The following LRP1B variants were observed in gnomAD, a reference collection of about 807,000 sequenced individuals.
LRP1B encodes low-density lipoprotein receptor-related protein 1B.
In LRP1B, 217 loss-of-function variants were observed where a neutral mutation model predicts 556.6. The observed-to-expected ratio is 0.39, with a 90% CI of 0.35 to 0.44. The LOEUF is 0.44. Ranked by LOEUF, LRP1B falls within the 20% of genes least tolerant of loss-of-function variation. The pLI is 1.00. For missense variants in LRP1B, 5,053 were observed against 5,620.8 expected, an observed-to-expected ratio of 0.90 and a Z score of 3.23; for synonymous variants, 2,047 against 1,865.8, an observed-to-expected ratio of 1.10 and a Z score of -2.50.
At chr2:140,913,505 T>C (rs1028982060) in intron 21 of LRP1B, among the ~76,000 whole-genome samples, 1 of 151,962 alleles carries the variant, frequency 6.6e-6, no homozygotes, top group Non-Finnish European at 1.5e-5. Context: ...GCATTTAATA[T>C]AGACAGCTGC....
intron 21 of LRP1B, among the ~76,000 whole-genome samples, chr2:140,922,449 T>C (rs957634594): frequency 2.6e-5 from 4 of 151,850 alleles, no homozygotes; most frequent in Admixed American, 6.6e-5. Flanking sequence ...AAATAAGCAA[T>C]AGTACAGTAA....
At chr2:140,790,826 G>A (rs1348323712) in intron 32 of LRP1B, among the ~76,000 whole-genome samples, 1 of 152,134 alleles carries the variant, frequency 6.6e-6, no homozygotes. Flanking sequence ...ATTGGGCCAA[G>A]GCAATGGCTC....
At chr2:140,975,049 T>A (rs1361969299) in intron 18 of LRP1B, among the ~76,000 whole-genome samples, 1 of 152,058 alleles carries the variant, frequency 6.6e-6, no homozygotes, top group East Asian at 1.9e-4. Context: ...GCTCACAACA[T>A]TTGGGGAAAA....
chr2:141,222,601 C>T (rs956326921), intron 6 of LRP1B, among the ~76,000 whole-genome samples: 1 of 152,104 alleles, frequency 6.6e-6, no homozygotes, highest in Non-Finnish European at 1.5e-5. Context: ...GTCCAATATC[C>T]CCAATGAACA....
At chr2:140,520,085 A>G (rs988468637) in intron 49 of LRP1B, among the ~76,000 whole-genome samples, 1 of 152,162 alleles carries the variant, frequency 6.6e-6, no homozygotes, top group Admixed American at 6.5e-5. Context: ...ATATCATTTG[A>G]CCTAGTGATC....
At chr2:141,804,349 C>T (rs1389663671) in intron 2 of LRP1B, among the ~76,000 whole-genome samples, 1 of 151,968 alleles carries the variant, frequency 6.6e-6, no homozygotes, top group East Asian at 1.9e-4. Flanking sequence ...ACTTCAGTGT[C>T]AATTAATATT....
chr2:140,908,544 C>G (rs1694327696), intron 21 of LRP1B, among the ~76,000 whole-genome samples: 1 of 151,510 alleles, frequency 6.6e-6, no homozygotes, highest in Non-Finnish European at 1.5e-5. Flanking sequence ...AGGTAAATGC[C>G]TCATTTTAGC....
At chr2:141,625,648 T>C (rs952983539) in intron 2 of LRP1B, among the ~76,000 whole-genome samples, 1 of 152,172 alleles carries the variant, frequency 6.6e-6, no homozygotes, top group Admixed American at 6.5e-5. Flanking sequence ...CATAAGTGAA[T>C]GAATAAATGA....
intron 1 of LRP1B, among the ~76,000 whole-genome samples, chr2:141,864,556 C>A: frequency 9.0e-6 from 1 of 110,856 alleles, no homozygotes. Context: ...GCATTAAAAT[C>A]TTGAGGGAAA....
chr2:140,656,041 A>G (rs933796044), intron 41 of LRP1B, among the ~76,000 whole-genome samples: 1 of 152,238 alleles, frequency 6.6e-6, no homozygotes. Flanking sequence ...TAAGTGGTAC[A>G]TAGGGGATTC....
At chr2:141,795,301 G>A (rs1048321640) in intron 2 of LRP1B, among the ~76,000 whole-genome samples, 7 of 151,894 alleles carry the variant, frequency 4.6e-5, no homozygotes, top group African/African-American at 1.7e-4. Context: ...TCTCCATGCT[G>A]TCACATGAAA....
At chr2:140,380,179 G>A (rs777074370) in intron 67 of LRP1B, among the ~76,000 whole-genome samples, 2 of 152,180 alleles carry the variant, frequency 1.3e-5, no homozygotes, top group African/African-American at 2.4e-5. Context: ...GATAAGTAAC[G>A]TACTTCAAAT....
At chr2:140,394,121 C>T (rs1440991693) in intron 66 of LRP1B, among the ~76,000 whole-genome samples, 4 of 137,528 alleles carry the variant, frequency 2.9e-5, no homozygotes, top group Admixed American at 2.9e-4. Flanking sequence ...TTTACTGGCA[C>T]ATATTTTTTT....
intron 41 of LRP1B, among the ~76,000 whole-genome samples, chr2:140,602,400 T>C (rs1682707395): frequency 6.6e-6 from 1 of 152,096 alleles, no homozygotes; most frequent in African/African-American, 2.4e-5. Context: ...TTCACAGACA[T>C]GCTATGAGTG....
chr2:141,006,840 A>G (rs1052674497), intron 14 of LRP1B, among the ~76,000 whole-genome samples: 1 of 151,958 alleles, frequency 6.6e-6, no homozygotes, highest in African/African-American at 2.4e-5. Flanking sequence ...GTATCTAAAC[A>G]TATAAAAGTT....
At chr2:140,736,079 C>T (rs937483342) in intron 35 of LRP1B, among the ~76,000 whole-genome samples, 19 of 151,934 alleles carry the variant, frequency 1.3e-4, no homozygotes, top group African/African-American at 4.4e-4. Context: ...AGAAACTATG[C>T]CTTTCTTCAT....
At position 140,353,028 on chromosome 2, in the gene LRP1B, T is replaced by C; in HGVS notation, c.11575A>G (p.Ile3859Val). 5 of 1,612,966 alleles carry C rather than the reference T, an allele frequency of 3.1e-6. No individual in the cohort carries two copies. In the South Asian group the frequency reaches 4.4e-5, roughly 14 times the overall value. The change falls in exon 76 of 91, where the codon ATA becomes GTA. Residue 3859 changes from isoleucine to valine, a missense_variant. By Grantham distance (29) the Ile-to-Val change is conservative. Transcript: ENST00000389484. ...CATTTATATGATCCTTCCACATTTA[T>C]ACATTGATGGGAACATGTGCCAAAC... ...LVFGTCSHQC[I>V]NVEGSYKCVC... is the part of the protein sequence containing the mutation.
chr2:140,519,939 G>A (rs1398140035), intron 49 of LRP1B, among the ~76,000 whole-genome samples: 3 of 152,140 alleles, frequency 2.0e-5, no homozygotes, highest in East Asian at 1.9e-4. Context: ...AGTTAGAATG[G>A]CGATCATTAA....
chr2:140,802,344 C>G (rs1690544333), intron 32 of LRP1B, among the ~76,000 whole-genome samples: 1 of 152,150 alleles, frequency 6.6e-6, no homozygotes, highest in African/African-American at 2.4e-5. Flanking sequence ...TCATTGAATA[C>G]CCCAGTGGAC....
Sources: allele counts gnomAD v4.1 joint callset (sites outside exome capture counted in the v4.1 genomes callset), GRCh38; gene constraint gnomAD v4.1.1; transcripts MANE v1.5; gene names NCBI Gene and HGNC (gene_info 2026-07-23, HGNC 2026-07-21).